CDIN1: variants seen among roughly 807,000 people sequenced by gnomAD.
The protein encoded by CDIN1 is CDAN1 interacting nuclease 1.
A neutral mutation model predicts 45.3 loss-of-function variants in CDIN1; 33 were observed. The observed-to-expected ratio is 0.73, with a 90% CI of 0.55 to 0.97. The LOEUF (loss-of-function observed/expected upper bound fraction) is 0.97. CDIN1 is among the 50% of genes least tolerant of loss of function. The pLI, the probability that CDIN1 is intolerant of heterozygous loss-of-function variation, is 0.00. For missense variants in CDIN1, 303 were observed against 339.4 expected, an observed-to-expected ratio of 0.89 and a Z score of 0.84; for synonymous variants, 118 against 124.4, an observed-to-expected ratio of 0.95 and a Z score of 0.34.
intron 10 of CDIN1, among the ~76,000 whole-genome samples, chr15:36,710,167 T>G (rs1001906495): frequency 1.3e-5 from 2 of 152,198 alleles, no homozygotes; most frequent in African/African-American, 4.8e-5. Flanking sequence ...AATCTCTGCA[T>G]AAGGTCAAAA....
At chr15:36,718,096 G>C (rs976628971) in intron 10 of CDIN1, among the ~76,000 whole-genome samples, 7 of 152,044 alleles carry the variant, frequency 4.6e-5, no homozygotes, top group South Asian at 2.1e-4. Context: ...CTTGCATGTA[G>C]AAATGGTTCT....
intron 1 of CDIN1, among the ~76,000 whole-genome samples, chr15:36,633,256 C>A (rs1295762554): frequency 6.6e-6 from 1 of 152,046 alleles, no homozygotes; most frequent in Non-Finnish European, 1.5e-5. Flanking sequence ...TACTGTTATA[C>A]GTTTTCTTTT....
At chr15:36,627,300 T>G (rs1035495602) in intron 1 of CDIN1, 2 of 162,598 alleles carry the variant, frequency 1.2e-5, no homozygotes, top group African/African-American at 2.4e-5. Flanking sequence ...AAGCAGGAAC[T>G]TGGAGCTGGA....
At chr15:36,806,500 T>C (rs1595629158) in intron 10 of CDIN1, among the ~76,000 whole-genome samples, 1 of 152,192 alleles carries the variant, frequency 6.6e-6, no homozygotes, top group Admixed American at 6.6e-5. Context: ...GTGAAAATAT[T>C]AGCACCTTTC....
intron 4 of CDIN1, among the ~76,000 whole-genome samples, chr15:36,655,660 G>A (rs544004111): frequency 6.6e-6 from 1 of 152,230 alleles, no homozygotes; most frequent in South Asian, 2.1e-4. Context: ...AGACTTGTTT[G>A]TTACAAGTTT....
At chr15:36,711,528 C>G (rs1010257602) in intron 10 of CDIN1, among the ~76,000 whole-genome samples, 3 of 152,124 alleles carry the variant, frequency 2.0e-5, no homozygotes, top group African/African-American at 7.2e-5. Context: ...TGGAGGATGT[C>G]TGTGTGATAG....
At chr15:36,762,852 A>G (rs976214632) in intron 10 of CDIN1, among the ~76,000 whole-genome samples, 1 of 152,104 alleles carries the variant, frequency 6.6e-6, no homozygotes, top group African/African-American at 2.4e-5. Context: ...ATAGTATTCC[A>G]TGGTGTATAT....
intron 1 of CDIN1, chr15:36,613,710 C>T (rs987148982): frequency 1.9e-5 from 29 of 1,529,292 alleles, no homozygotes; most frequent in East Asian, 4.5e-5. Context: ...CTAGAAGAAG[C>T]GGAAAAAGCT....
chr15:36,804,353 C>T (rs1337028420), intron 10 of CDIN1, among the ~76,000 whole-genome samples: 3 of 152,154 alleles, frequency 2.0e-5, no homozygotes, highest in Non-Finnish European at 4.4e-5. Context: ...TGGCTGACCC[C>T]TGCCTGCACC....
intron 5 of CDIN1, among the ~76,000 whole-genome samples, chr15:36,688,924 A>G (rs1020304129): frequency 2.0e-5 from 3 of 152,218 alleles, no homozygotes; most frequent in African/African-American, 7.2e-5. Flanking sequence ...GGTCCACAGC[A>G]CAGGCAGTCA....
chr15:36,709,025 A>C (rs1392601006), intron 8 of CDIN1, 198 bp from the exon 9 acceptor site: 1 of 406,056 alleles, frequency 2.5e-6, no homozygotes, highest in Non-Finnish European at 4.3e-6. Context: ...AAATAATGAA[A>C]GAAGCATATC....
chr15:36,579,672 T>A lies in CDIN1; in HGVS notation c.-189T>A. The A allele has an allele frequency of 5.4e-6, 3 of 559,850 alleles. No homozygotes were observed. Among genetic ancestry groups the A allele is most frequent in the Non-Finnish European group, 9.5e-6 (3 of 315,588 alleles). The allele number at this position is 559,850 out of a possible 1,614,324, so 34.7% of individuals were successfully genotyped here. On this transcript the variant is annotated 5_prime_UTR_variant, in exon 1 of 11. Transcript: ENST00000566621. Reference sequence around the variant, plus strand: ...CCGCCGCGGAGGTGCCGGTGGAGCCTGGGACCGGGCGAGTCTCCGCCCCGC... The same window carrying A: ...CCGCCGCGGAGGTGCCGGTGGAGCCAGGGACCGGGCGAGTCTCCGCCCCGC...
At chr15:36,679,254 A>G (rs1303437643) in intron 5 of CDIN1, among the ~76,000 whole-genome samples, 1 of 152,144 alleles carries the variant, frequency 6.6e-6, no homozygotes, top group Non-Finnish European at 1.5e-5. Flanking sequence ...TGTTGAATAG[A>G]TTGACTTCTG....
chr15:36,647,964 T>C (rs1395208531), intron 3 of CDIN1, among the ~76,000 whole-genome samples: 5 of 151,788 alleles, frequency 3.3e-5, no homozygotes, highest in Non-Finnish European at 5.9e-5. Flanking sequence ...CTCAGCCTCC[T>C]GGGTGGCTGG....
intron 8 of CDIN1, among the ~76,000 whole-genome samples, chr15:36,698,746 C>T (rs1241301231): frequency 6.6e-6 from 1 of 152,170 alleles, no homozygotes; most frequent in Non-Finnish European, 1.5e-5. Context: ...CTGCTTAGCA[C>T]CACTCTCTGG....
intron 1 of CDIN1, among the ~76,000 whole-genome samples, chr15:36,587,216 A>C (rs115642266): frequency 0.028 from 4,269 of 151,482 alleles, 200 homozygotes; most frequent in African/African-American, 0.098. Flanking sequence ...CTTTTTTTCT[A>C]TCTTGGCCCA....
intron 10 of CDIN1, among the ~76,000 whole-genome samples, chr15:36,720,010 T>C (rs1327530825): frequency 1.3e-5 from 2 of 152,084 alleles, no homozygotes; most frequent in Non-Finnish European, 2.9e-5. Context: ...TCTAGATCAA[T>C]CTGCCTAGAG....
At chr15:36,782,765 A>G (rs1408099322) in intron 10 of CDIN1, among the ~76,000 whole-genome samples, 1 of 152,218 alleles carries the variant, frequency 6.6e-6, no homozygotes, top group Non-Finnish European at 1.5e-5. Context: ...ATCAGATAAC[A>G]CTAAACACAA....
At chr15:36,678,405 G>C (rs1357538414) in intron 5 of CDIN1, among the ~76,000 whole-genome samples, 1 of 152,178 alleles carries the variant, frequency 6.6e-6, no homozygotes, top group Non-Finnish European at 1.5e-5. Flanking sequence ...TGGTATTTAG[G>C]CTTTGCTGTC....
Sources: allele counts gnomAD v4.1 joint callset (sites outside exome capture counted in the v4.1 genomes callset), GRCh38; gene constraint gnomAD v4.1.1; transcripts MANE v1.5; gene names NCBI Gene and HGNC (gene_info 2026-07-23, HGNC 2026-07-21).